Variants in ZNF254 observed in about 807,000 individuals in gnomAD.
ZNF254 encodes the protein zinc finger protein 254, also known as CTD-2017D11.1.
Under a neutral mutation model 12.4 loss-of-function variants are expected in ZNF254, and 10 were observed. The ratio of observed to expected loss-of-function variants is 0.80; its 90% CI spans 0.50 to 1.36. The LOEUF (loss-of-function observed/expected upper bound fraction) is 1.36. Ranked by LOEUF, ZNF254 falls within the 40% of genes most tolerant of loss-of-function variation. The pLI is 0.00. For synonymous variants in ZNF254, 305 were observed against 253.4 expected (o/e 1.20, Z -1.93); for missense variants, 996 against 763.9 (o/e 1.30, Z -3.58).
rs913882552 is a variant in ZNF254 at position 24,077,691 on chromosome 19, C to A, written c.-93-28249C>A. Among the ~76,000 whole-genome samples, 6 of 152,184 alleles carry A rather than the reference C, an allele frequency of 3.9e-5. No individual in the cohort carries two copies. The South Asian group carries it at 6.2e-4, about 16-fold the overall frequency. ...ACAATGGCTGTTCATTATAGGGTGA[C>A]CCAAGGTGGCCATGCCATGGTTCTG... On this transcript the variant is annotated intron_variant, in intron 2 of 4. Coordinates refer to the ZNF254 transcript ENST00000613065.
At chr19:24,109,403 A>T (rs949195500) in intron 3 of ZNF254, among the ~76,000 whole-genome samples, 2 of 152,188 alleles carry the variant, frequency 1.3e-5, no homozygotes, top group Non-Finnish European at 2.9e-5. Context: ...ACTAGATTTT[A>T]TGAGTAAACA....
chr19:24,041,671 A>G (rs375849972), intron 1 of ZNF254, among the ~76,000 whole-genome samples: 23,902 of 152,076 alleles, frequency 0.16, 1,951 homozygotes, highest in Middle Eastern at 0.23. Context: ...GCCCAGTCCC[A>G]TCGACCACCC....
chr19:24,054,356 T>A (rs1183557444), intron 2 of ZNF254, among the ~76,000 whole-genome samples: 1 of 152,196 alleles, frequency 6.6e-6, no homozygotes, highest in Non-Finnish European at 1.5e-5. Flanking sequence ...TATAGTCAGC[T>A]TATAAGTGGA....
intron 3 of ZNF254, among the ~76,000 whole-genome samples, chr19:24,124,358 G>A (rs1974687650): frequency 6.6e-6 from 1 of 152,020 alleles, no homozygotes; most frequent in African/African-American, 2.4e-5. Context: ...AAATTTCAGA[G>A]AATAATTAAA....
chr19:24,128,753 G>T lies in ZNF254; in HGVS notation c.*773G>T, dbSNP rs1267327732. 6.6e-6 allele frequency: 1 copy of T among 151,896 alleles called. No individual in the cohort carries two copies. The highest frequency in any genetic ancestry group is 1.5e-5 in the Non-Finnish European group (1 of 67,890). The allele number at this position is 151,896 out of a possible 1,614,324, so 9.4% of individuals were successfully genotyped here. On this transcript the variant is annotated 3_prime_UTR_variant, in exon 4 of 4. Coordinates refer to ENST00000357002, the MANE Select transcript of ZNF254 (RefSeq NM_203282.4). ...AATAATTCACAGTAGAAATATCTAGGGCATTCAAGCTTTAGACATTACACT... is the reference window on the plus strand; with the variant it reads ...AATAATTCACAGTAGAAATATCTAGTGCATTCAAGCTTTAGACATTACACT...
chr19:24,126,789 G>T lies in ZNF254; in HGVS notation c.789G>T (p.Glu263Asp). The stretch of plus-strand genomic sequence containing the variant: ...CACATGAAATAATTCATGCTGGAGA[G>T]AAACTCTACAAATGTGAAGAATGTG... ...LTTHEIIHAG[E>D]KLYKCEECGE... is the part of the protein sequence containing the mutation. Residue 263 changes from glutamate to aspartate, a missense_variant, in exon 4 of 4, where the codon GAG becomes GAT. Physicochemically the swap from Glu to Asp is conservative, Grantham distance 45. Transcript: ENST00000357002. 1 of 1,613,262 alleles carries T rather than the reference G, an allele frequency of 6.2e-7. No individual in the cohort carries two copies.
intron 3 of ZNF254, among the ~76,000 whole-genome samples, chr19:24,125,512 T>C (rs887488215): frequency 9.9e-5 from 15 of 152,098 alleles, no homozygotes; most frequent in Non-Finnish European, 1.5e-4. Context: ...ATTTAGACAT[T>C]AAAAAAAGCT....
intron 1 of ZNF254, among the ~76,000 whole-genome samples, chr19:24,039,416 G>T (rs555417870): frequency 3.0e-4 from 45 of 152,246 alleles, no homozygotes; most frequent in Admixed American, 2.6e-3. Flanking sequence ...TTTTTTTGTT[G>T]TTGTTTTTTA....
chr19:24,062,103 GAAA>G (rs59581798), intron 2 of ZNF254, among the ~76,000 whole-genome samples: 1 of 137,314 alleles, frequency 7.3e-6, no homozygotes, highest in African/African-American at 2.7e-5. Context: ...AAAAAAAAAA[GAAA>G]AAGAAAAAGG....
At chr19:24,125,222 C>CTTTT in intron 3 of ZNF254, among the ~76,000 whole-genome samples, 1 of 130,760 alleles carries the variant, frequency 7.6e-6, no homozygotes, top group Non-Finnish European at 1.7e-5. Context: ...ATTTTTACAT[C>CTTTT]TTTTTTTTTT....
rs199828034 is a variant in ZNF254, at chr19:24,081,426, TAGC to T, written c.-93-24511_-93-24509del. Among the ~76,000 whole-genome samples the T allele has an allele frequency of 8.9e-4, 136 of 152,276 alleles. 1 individual carries two copies. The highest frequency in any genetic ancestry group is 5.6e-3 in the East Asian group (29 of 5,184). ...GGATGACAGGGGACACTTATTGAAA[TAGC>T]AGACATTTTGCTAGACACTCCAATT... is the stretch of plus-strand genomic sequence containing the variant. On this transcript the variant is annotated intron_variant, in intron 2 of 4. Transcript: ENST00000613065.
intron 3 of ZNF254, among the ~76,000 whole-genome samples, chr19:24,121,241 G>A (rs977272531): frequency 1.3e-5 from 2 of 149,806 alleles, no homozygotes; most frequent in African/African-American, 4.9e-5. Flanking sequence ...CCACTGTATT[G>A]TTTTTTTTTC....
intron 3 of ZNF254, among the ~76,000 whole-genome samples, chr19:24,109,788 G>A (rs1003363642): frequency 2.0e-5 from 3 of 146,588 alleles, no homozygotes; most frequent in Non-Finnish European, 4.5e-5. Flanking sequence ...ATGTGATCTC[G>A]GCTCACTGCA....
At chr19:24,052,344 T>C (rs1456651462) in intron 2 of ZNF254, among the ~76,000 whole-genome samples, 2 of 152,250 alleles carry the variant, frequency 1.3e-5, no homozygotes, top group Admixed American at 1.3e-4. Context: ...TTATTTTTCC[T>C]GTTTCTGGCA....
At chr19:24,047,814 A>G (rs188456806) in intron 2 of ZNF254, among the ~76,000 whole-genome samples, 7 of 150,042 alleles carry the variant, frequency 4.7e-5, no homozygotes, top group African/African-American at 1.7e-4. Context: ...CAGCCTCCCA[A>G]GTAGCTGGGA....
chr19:24,115,728 T>G (rs779641381), intron 3 of ZNF254, among the ~76,000 whole-genome samples: 1 of 152,120 alleles, frequency 6.6e-6, no homozygotes, highest in African/African-American at 2.4e-5. Context: ...GTGAATTTGA[T>G]CCTGTCGTTA....
intron 2 of ZNF254, among the ~76,000 whole-genome samples, chr19:24,054,381 ACCTCTAG>A (rs1159332814): frequency 3.3e-5 from 5 of 152,198 alleles, no homozygotes; most frequent in African/African-American, 7.2e-5. Flanking sequence ...TGACTCTCAT[ACCTCTAG>A]TCAGCTATTG....
intron 3 of ZNF254, among the ~76,000 whole-genome samples, chr19:24,122,655 C>G (rs947416864): frequency 6.7e-6 from 1 of 148,546 alleles, no homozygotes; most frequent in African/African-American, 2.5e-5. Context: ...ATAATGCCAT[C>G]AACATTTATC....
intron 1 of ZNF254, among the ~76,000 whole-genome samples, chr19:24,044,267 G>A (rs1256692969): frequency 6.6e-6 from 1 of 151,372 alleles, no homozygotes. Flanking sequence ...GGCTGGGCGC[G>A]GTGGCTCACG....
Sources: allele counts gnomAD v4.1 joint callset (sites outside exome capture counted in the v4.1 genomes callset), GRCh38; gene constraint gnomAD v4.1.1; transcripts MANE v1.5; gene names NCBI Gene and HGNC (gene_info 2026-07-23, HGNC 2026-07-21).